Variants in PPP2R3B observed in about 807,000 individuals in gnomAD.
PPP2R3B encodes the protein protein phosphatase 2 regulatory subunit B''beta.
In PPP2R3B, 68 loss-of-function variants were observed where a neutral mutation model predicts 72.9. That is an observed-to-expected ratio of 0.93 (90% CI 0.77 to 1.14). The LOEUF is 1.14. Ranked by LOEUF, PPP2R3B falls within the 50% of genes most tolerant of loss-of-function variation. PPP2R3B has a pLI of 0.00. For synonymous variants in PPP2R3B, 466 were observed against 375.8 expected, an observed-to-expected ratio of 1.24 and a Z score of -2.78; for missense variants, 1,018 against 842.0, an observed-to-expected ratio of 1.21 and a Z score of -2.59.
intron 1 of PPP2R3B, among the ~76,000 whole-genome samples, chrX:364,682 C>T (rs1332081888): frequency 3.1e-4 from 28 of 89,122 alleles, no homozygotes; most frequent in African/African-American, 5.1e-4. Flanking sequence ...CGCACCACTG[C>T]ACTCCAGCCT....
At chrX:338,455 TCACCCCGCCCCTCTGTGTCCGCG>T (rs1168337951) in intron 12 of PPP2R3B, 126 bp downstream of exon 12, 1 of 777,740 alleles carries the variant, frequency 1.3e-6, no homozygotes, top group African/African-American at 1.7e-5. Flanking sequence ...GTGTCAGGTC[TCACCCCGCCCCTCTGTGTCCGCG>T]CACCCCACCT....
Position 347,263 on chromosome X carries a change from C to T in PPP2R3B, c.688G>A (p.Val230Met), listed in dbSNP as rs761752886. The change falls in exon 4 of 13, where the codon GTG becomes ATG. Residue 230 changes from valine to methionine, a missense_variant. Transcript: ENST00000390665. ...LLMSPGCNYL[V>M]QEDFVPFLQD... ...AAGAAGGGGACAAAGTCCTCCTGCA[C>T]CAGGTAGTTGCAGCCGGGGCTCATG... 8.7e-6 allele frequency: 14 copies of T among 1,613,634 alleles called. No homozygotes were observed. Among genetic ancestry groups the T allele is most frequent in the Non-Finnish European group, 1.2e-5 (14 of 1,179,780 alleles).
At position 338,544 on chromosome X, in the gene PPP2R3B, TC is replaced by T. The variant is rs66767417; in HGVS notation, c.1577+59del. 801 of 1,189,268 alleles carry T rather than the reference TC, an allele frequency of 6.7e-4. 3 individuals carry two copies. The East Asian group carries it at 9.0e-3, about 13-fold the overall frequency. The allele number at this position is 1,189,268 out of a possible 1,614,324, so 73.7% of individuals were successfully genotyped here. The stretch of plus-strand genomic sequence containing the variant: ...CACCCGTCCTCCCACTCACCCGTCC[TC>T]CCCACTCACCCGTCCTCCCACTGAC... On this transcript the variant is annotated intron_variant, in intron 12 of 12. Transcript: ENST00000390665.
At chrX:334,622 A>T in intron 12 of PPP2R3B, 105 bp from the exon 13 acceptor site, 1 of 1,282,964 alleles carries the variant, frequency 7.8e-7, no homozygotes. Flanking sequence ...AGCACGAGAC[A>T]GTCCCCTGAG....
Position 334,381 on chromosome X carries a change from G to A in PPP2R3B, c.1714C>T (p.Leu572=), listed in dbSNP as rs771894624. The change falls in exon 13 of 13, where the codon CTG becomes TTG. Residue 572 remains leucine, a synonymous_variant. Coordinates refer to ENST00000390665, the MANE Select transcript of PPP2R3B (RefSeq NM_013239.5). ...LYEYACGDED[L]EPL ...CGCGGGCGGCGTCACAGCGGCTCCA[G>A]GTCCTCGTCCCCGCATGCGTACTCG... The A allele has an allele frequency of 1.3e-6, 2 of 1,520,742 alleles. No homozygotes were observed. The highest frequency in any genetic ancestry group is 1.8e-6 in the Non-Finnish European group (2 of 1,140,870). 94.2% of individuals were successfully genotyped at this position (1,520,742 alleles called of 1,614,324 possible). A position where few individuals can be genotyped will look rare whatever the true frequency, so the allele number is the denominator to read the frequency against.
intron 2 of PPP2R3B, among the ~76,000 whole-genome samples, chrX:350,981 G>A (rs1422487354): frequency 2.0e-5 from 3 of 152,150 alleles, no homozygotes; most frequent in South Asian, 2.1e-4. Context: ...TGGCAGAGTC[G>A]TCCTGACAGG....
chrX:347,395 G>A (rs961633619), intron 3 of PPP2R3B, 59 bp from the exon 4 acceptor site: 121 of 1,495,544 alleles, frequency 8.1e-5, no homozygotes, highest in South Asian at 5.2e-4. Flanking sequence ...CGACCCCGCA[G>A]ACGCAGGGTG....
Position 340,848 on chromosome X carries a change from C to G in PPP2R3B, c.1268G>C (p.Arg423Thr). The G allele has an allele frequency of 6.2e-7, 1 of 1,612,072 alleles. No homozygotes were observed. Among genetic ancestry groups the G allele is most frequent in the South Asian group, 1.1e-5 (1 of 91,056 alleles). The change falls in exon 10 of 13, where the codon AGG becomes ACG. Residue 423 changes from arginine (R) to threonine (T), a missense_variant. Coordinates refer to ENST00000390665, the MANE Select transcript of PPP2R3B (RefSeq NM_013239.5). The stretch of plus-strand genomic sequence containing the variant: ...GGCCTCGATGGCCATGCTGTCCAGC[C>G]TTCGGCACTGCTCCTCGTAGAAGTA... ...LEYFYEEQCR[R>T]LDSMAIEALP...
At chrX:339,035 G>T in intron 10 of PPP2R3B, 139 bp from the exon 11 acceptor site, 2 of 763,448 alleles carry the variant, frequency 2.6e-6, no homozygotes, top group Admixed American at 2.0e-5. Flanking sequence ...TGTTTGACGT[G>T]AAAGGCGGAC....
At position 361,007 on chromosome X, in the gene PPP2R3B, C is replaced by T. The variant is rs747460758; in HGVS notation, c.510+398G>A. On this transcript the variant is annotated intron_variant, in intron 2 of 12. Transcript: ENST00000390665. ...ACAGCTGCCCAGCCTGGGATGGCCG[C>T]TCCTCGGGCAGAAAGGGGCAAGGCC... Among the ~76,000 whole-genome samples the T allele has an allele frequency of 7.9e-5, 12 of 152,340 alleles. No homozygotes were observed. The South Asian group carries it at 1.9e-3, about 24-fold the overall frequency.
chrX:347,432 T>C, intron 3 of PPP2R3B, 96 bp from the exon 4 acceptor site: 1 of 1,368,520 alleles, frequency 7.3e-7, no homozygotes, highest in Non-Finnish European at 1.0e-6. Context: ...TTCCACGTGG[T>C]GCGTGGCAGG....
At chrX:373,386 A>T (rs1480583940) in intron 1 of PPP2R3B, 1 of 152,168 alleles carries the variant, frequency 6.6e-6, no homozygotes, top group Non-Finnish European at 1.5e-5. Context: ...TGGCCCTGTA[A>T]ATCTGGCGTT....
intron 2 of PPP2R3B, among the ~76,000 whole-genome samples, chrX:357,850 A>T (rs982855066): frequency 6.6e-6 from 1 of 152,134 alleles, no homozygotes; most frequent in African/African-American, 2.4e-5. Context: ...CAGAGGAGTG[A>T]CAATGATGAA....
chrX:386,668 C>T lies in PPP2R3B; in HGVS notation c.24G>A (p.Gln8=). 1 of 1,341,418 alleles carries T rather than the reference C, an allele frequency of 7.5e-7. No homozygotes were observed. Among genetic ancestry groups the T allele is most frequent in the Non-Finnish European group, 9.5e-7 (1 of 1,048,362 alleles). 83.1% of individuals were successfully genotyped at this position (1,341,418 alleles called of 1,614,324 possible). The change falls in exon 1 of 13, where the codon CAG becomes CAA. Residue 8 remains glutamine, a synonymous_variant. Transcript: ENST00000390665. ...CGTCCACCTTCATCTTCAGGACCGG[C>T]TGCAGCACTTTGCCGGGCGGCATGG... MPPGKVL[Q]PVLKMKVDEL... is the part of the protein sequence containing the mutation.
Position 340,975 on chromosome X carries a change from G to A in PPP2R3B, c.1176-35C>T, listed in dbSNP as rs145199446. The A allele has an allele frequency of 1.7e-4, 274 of 1,599,174 alleles. 1 individual carries two copies. In the African/African-American group the frequency reaches 2.6e-3, roughly 15 times the overall value. On this transcript the variant is annotated intron_variant, in intron 9 of 12. Coordinates refer to ENST00000390665, the MANE Select transcript of PPP2R3B (RefSeq NM_013239.5). Reference sequence around the variant, plus strand: ...GGCGAGCTCTGTCAGCCCCTGCCCTGGGCCCTCCCAGCCCGTGACCTGCAG... The same window carrying A: ...GGCGAGCTCTGTCAGCCCCTGCCCTAGGCCCTCCCAGCCCGTGACCTGCAG...
At chrX:355,047 G>C (rs1162887962) in intron 2 of PPP2R3B, among the ~76,000 whole-genome samples, 1 of 152,194 alleles carries the variant, frequency 6.6e-6, no homozygotes, top group Non-Finnish European at 1.5e-5. Flanking sequence ...AGGAGACACC[G>C]ATGCAGACGA....
chrX:361,668 C>CT lies in PPP2R3B; in HGVS notation c.325-79dup, dbSNP rs1408568686. 3 of 1,547,828 alleles carry CT rather than the reference C, an allele frequency of 1.9e-6. No individual in the cohort carries two copies. The East Asian group carries it at 6.8e-5, about 35-fold the overall frequency. On this transcript the variant is annotated intron_variant, in intron 1 of 12. Transcript: ENST00000390665. The stretch of plus-strand genomic sequence containing the variant: ...TCTTCACCCGGACAACACACGGGGC[C>CT]TCTCTAGGGCCGACAGTGCTGAGGC...
rs374479842 is a variant in PPP2R3B at position 374,606 on chromosome X, C to G, written c.324+11762G>C. Among the ~76,000 whole-genome samples the G allele has an allele frequency of 2.0e-5, 3 of 152,164 alleles. No homozygotes were observed. The East Asian group carries it at 5.8e-4, about 29-fold the overall frequency. On this transcript the variant is annotated intron_variant, in intron 1 of 12. Transcript: ENST00000390665. ...CACCTCGATCCCACCGGGAAGGAGA[C>G]AGGATACCTTCGGGCTGAGGGTCAG...
intron 6 of PPP2R3B, 45 bp downstream of exon 6, chrX:346,129 G>A (rs764709101): frequency 3.7e-5 from 51 of 1,387,766 alleles, no homozygotes; most frequent in South Asian, 2.0e-4. Context: ...AGGTAGGAGG[G>A]GTAGGGACAA....
Sources: allele counts gnomAD v4.1 joint callset (sites outside exome capture counted in the v4.1 genomes callset), GRCh38; gene constraint gnomAD v4.1.1; transcripts MANE v1.5; gene names NCBI Gene and HGNC (gene_info 2026-07-23, HGNC 2026-07-21).